Variants in TRPA1 observed in about 807,000 individuals in gnomAD.
The protein encoded by TRPA1 is ankyrin-like with transmembrane domains 1.
Under a neutral mutation model 131.3 loss-of-function variants are expected in TRPA1, and 129 were observed. The observed-to-expected ratio is 0.98, with a 90% CI of 0.85 to 1.14. The LOEUF is 1.14. TRPA1 is among the 50% of genes most tolerant of loss of function. TRPA1 has a pLI of 0.00. For synonymous variants in TRPA1, 441 were observed against 451.7 expected, an observed-to-expected ratio of 0.98 and a Z score of 0.30; for missense variants, 1,304 against 1,354.2, an observed-to-expected ratio of 0.96 and a Z score of 0.58.
chr8:72,052,676 C>A lies in TRPA1; in HGVS notation c.1734G>T (p.Lys578Asn). 5.0e-6 allele frequency: 8 copies of A among 1,613,814 alleles called. No homozygotes were observed. Among genetic ancestry groups the A allele is most frequent in the Non-Finnish European group, 5.9e-6 (7 of 1,179,844 alleles). The part of the protein sequence containing the change: ...LSHNADIVLN[K>N]QQASFLHLAL... ...CAAGGTGCAAAAAGGAGGCCTGCTG[C>A]TTGTTCAGGACTATGTCAGCATTGT... Residue 578 changes from lysine to asparagine, a missense_variant, in exon 14 of 27, where the codon AAG becomes AAT. By Grantham distance (94) the Lys-to-Asn change is moderately conservative (BLOSUM62 0). Transcript: ENST00000262209.
chr8:72,022,673 C>T lies in TRPA1; in HGVS notation c.*233G>A, dbSNP rs1811436231. The T allele has an allele frequency of 1.7e-6, 1 of 586,356 alleles. No individual in the cohort carries two copies. The highest frequency in any genetic ancestry group is 3.1e-6 in the Non-Finnish European group (1 of 327,466). The allele number at this position is 586,356 out of a possible 1,614,324, so 36.3% of individuals were successfully genotyped here. On this transcript the variant is annotated 3_prime_UTR_variant, in exon 27 of 27. Coordinates refer to ENST00000262209, the MANE Select transcript of TRPA1 (RefSeq NM_007332.3). ...TTCAAATAATGAGATTATATCTCAT[C>T]AAAGTCCAGTCCAATTTGAACATAT...
Position 72,065,358 on chromosome 8 carries a change from G to T in TRPA1, c.552+93C>A, listed in dbSNP as rs1418116378. 5.1e-6 allele frequency: 6 copies of T among 1,176,886 alleles called. No homozygotes were observed. The South Asian group carries it at 8.5e-5, about 17-fold the overall frequency. 72.9% of individuals were successfully genotyped at this position (1,176,886 alleles called of 1,614,324 possible). A position where few individuals can be genotyped will look rare whatever the true frequency, so the allele number is the denominator to read the frequency against. On this transcript the variant is annotated intron_variant, in intron 4 of 26. Transcript: ENST00000262209. Reference sequence around the variant, plus strand: ...TTTTTGTATTTTATATTTTTCTAAGGAGAAAAACTTAAGAGATTTTGTAAA... The same window carrying T: ...TTTTTGTATTTTATATTTTTCTAAGTAGAAAAACTTAAGAGATTTTGTAAA...
At chr8:72,057,449 A>T (rs1805697398) in intron 9 of TRPA1, among the ~76,000 whole-genome samples, 1 of 152,242 alleles carries the variant, frequency 6.6e-6, no homozygotes, top group South Asian at 2.1e-4. Context: ...TTAAATGTTC[A>T]GCAAATGCCT....
the TRPA1 span, among the ~76,000 whole-genome samples, chr8:72,082,360 T>C: frequency 2.6e-5 from 4 of 152,022 alleles, no homozygotes; most frequent in Non-Finnish European, 4.4e-5. Context: ...TTTAAACAAT[T>C]TCACATTTTT....
At position 72,059,456 on chromosome 8, in the gene TRPA1, TA is replaced by T. The variant is rs755252164; in HGVS notation, c.945-19del. 6.7e-7 allele frequency: 1 copy of T among 1,490,226 alleles called. No homozygotes were observed. Among genetic ancestry groups the T allele is most frequent in the Non-Finnish European group, 9.3e-7 (1 of 1,077,302 alleles). The allele number at this position is 1,490,226 out of a possible 1,614,324, so 92.3% of individuals were successfully genotyped here. ...ATGAAGCTCTGAAAAAACAGAATTA[TA>T]AACATTATAATTAAAGTACTATTGA... On this transcript the variant is annotated intron_variant, in intron 7 of 26. Transcript: ENST00000262209.
At chr8:72,077,423 T>C (rs1404710204), upstream of TRPA1, among the ~76,000 whole-genome samples, 5 of 152,198 alleles carry the variant, frequency 3.3e-5, no homozygotes, top group African/African-American at 1.2e-4. Context: ...CATTCTTGCT[T>C]CTCTACCCCA....
chr8:72,032,368 A>G (rs1811858227), intron 23 of TRPA1, among the ~76,000 whole-genome samples: 1 of 152,254 alleles, frequency 6.6e-6, no homozygotes, highest in South Asian at 2.1e-4. Flanking sequence ...GAACTATGGC[A>G]GTCCAAGCCA....
At position 72,021,533 on chromosome 8, in the gene TRPA1, CAT is replaced by C. The variant is rs1341014637; in HGVS notation, c.*1371_*1372del. On this transcript the variant is annotated 3_prime_UTR_variant, in exon 27 of 27. Coordinates refer to ENST00000262209, the MANE Select transcript of TRPA1 (RefSeq NM_007332.3). ...GGTATATGCAACATTGCCTCTAGGCCATGTGATCTGTTGGACCATGAATGTAA... is the reference window on the plus strand; with the variant it reads ...GGTATATGCAACATTGCCTCTAGGCCGTGATCTGTTGGACCATGAATGTAA... 2 of 152,134 alleles carry C rather than the reference CAT, an allele frequency of 1.3e-5. No homozygotes were observed. The highest frequency in any genetic ancestry group is 2.4e-5 in the African/African-American group (1 of 41,430). 9.4% of individuals were successfully genotyped at this position (152,134 alleles called of 1,614,324 possible). A position where few individuals can be genotyped will look rare whatever the true frequency, so the allele number is the denominator to read the frequency against.
intron 12 of TRPA1, chr8:72,054,657 T>C (rs1215221000): frequency 6.6e-6 from 1 of 152,344 alleles, no homozygotes; most frequent in Non-Finnish European, 1.5e-5. Context: ...GTCAGTTGCT[T>C]GGTGTTTCTT....
chr8:72,048,934 A>C (rs1295017166), intron 15 of TRPA1, among the ~76,000 whole-genome samples: 15 of 152,338 alleles, frequency 9.8e-5, no homozygotes, highest in African/African-American at 3.4e-4. Flanking sequence ...TGCAGGAAAC[A>C]TTCTGTAAAA....
intron 26 of TRPA1, 55 bp from the exon 27 acceptor site, chr8:72,023,171 C>T: frequency 6.6e-7 from 1 of 1,515,832 alleles, no homozygotes; most frequent in Non-Finnish European, 9.0e-7. Flanking sequence ...TTTAGCCCTT[C>T]TGAATGTAGG....
intron 18 of TRPA1, 78 bp from the exon 19 acceptor site, chr8:72,039,105 T>C (rs1812158316): frequency 7.1e-7 from 1 of 1,408,408 alleles, no homozygotes; most frequent in Non-Finnish European, 1.0e-6. Flanking sequence ...GAAAAAATGG[T>C]TATAACCTCT....
intron 25 of TRPA1, among the ~76,000 whole-genome samples, chr8:72,024,702 A>T (rs1811521005): frequency 6.6e-6 from 1 of 152,160 alleles, no homozygotes. Flanking sequence ...CACCTTTAAA[A>T]CATGCAAGTG....
intron 1 of TRPA1, 35 bp downstream of exon 1, chr8:72,075,264 C>T (rs772222732): frequency 5.8e-6 from 9 of 1,549,350 alleles, no homozygotes; most frequent in African/African-American, 1.4e-5. Context: ...GCCCGCACGT[C>T]GGAACCCCTC....
chr8:72,082,697 A>G, the TRPA1 span, among the ~76,000 whole-genome samples: 1 of 150,516 alleles, frequency 6.6e-6, no homozygotes, highest in Non-Finnish European at 1.5e-5. Flanking sequence ...TTTTTTTTCA[A>G]TTAGATAAGT....
intron 1 of TRPA1, among the ~76,000 whole-genome samples, chr8:72,072,604 T>C (rs1207525714): frequency 2.6e-5 from 4 of 152,194 alleles, no homozygotes; most frequent in Non-Finnish European, 5.9e-5. Flanking sequence ...TTACACATAT[T>C]CAGTAATAAA....
rs1356125632 is a variant in TRPA1 at position 72,022,182 on chromosome 8, T to C, written c.*724A>G. On this transcript the variant is annotated 3_prime_UTR_variant, in exon 27 of 27. Coordinates refer to ENST00000262209, the MANE Select transcript of TRPA1 (RefSeq NM_007332.3). ...TTTTCAAATCTCAAACAAAGGCTCATACAATAATCACAGGGATACTATATA... is the reference window on the plus strand; with the variant it reads ...TTTTCAAATCTCAAACAAAGGCTCACACAATAATCACAGGGATACTATATA... 1 of 152,394 alleles carries C rather than the reference T, an allele frequency of 6.6e-6. No homozygotes were observed. The highest frequency in any genetic ancestry group is 1.5e-5 in the Non-Finnish European group (1 of 68,204). The allele number at this position is 152,394 out of a possible 1,614,324, so 9.4% of individuals were successfully genotyped here.
At chr8:72,076,368 T>C (rs1269699135), upstream of TRPA1, among the ~76,000 whole-genome samples, 4 of 148,834 alleles carry the variant, frequency 2.7e-5, no homozygotes, top group Non-Finnish European at 5.9e-5. Context: ...CTGGTTCTAC[T>C]TTTACGTACA....
chr8:72,029,539 T>C (rs1409634405), intron 24 of TRPA1, among the ~76,000 whole-genome samples: 1 of 152,232 alleles, frequency 6.6e-6, no homozygotes, highest in Non-Finnish European at 1.5e-5. Flanking sequence ...CCAGTAAGTT[T>C]AAATAAACGT....
Sources: allele counts gnomAD v4.1 joint callset (sites outside exome capture counted in the v4.1 genomes callset), GRCh38; gene constraint gnomAD v4.1.1; transcripts MANE v1.5; gene names NCBI Gene and HGNC (gene_info 2026-07-23, HGNC 2026-07-21).